Variants in DNAH11 observed in about 807,000 individuals in gnomAD.
DNAH11 encodes the protein axonemal beta dynein heavy chain 11.
Under a neutral mutation model 526.0 loss-of-function variants are expected in DNAH11, and 442 were observed. The ratio of observed to expected loss-of-function variants is 0.84; its 90% confidence interval spans 0.78 to 0.91. The LOEUF (loss-of-function observed/expected upper bound fraction) is 0.91. DNAH11 is among the 40% of genes least tolerant of loss of function. The probability of loss-of-function intolerance (pLI) is 0.00; values close to 1 mark genes in which losing one functional copy is unlikely to be tolerated. For missense variants in DNAH11, 6,989 were observed against 5,448.7 expected, an observed-to-expected ratio of 1.28 and a Z score of -8.90; for synonymous variants, 2,461 against 1,935.9, an observed-to-expected ratio of 1.27 and a Z score of -7.12.
At chr7:21,628,369 G>T in intron 25 of DNAH11, among the ~76,000 whole-genome samples, 1 of 152,040 alleles carries the variant, frequency 6.6e-6, no homozygotes, top group East Asian at 1.9e-4. Flanking sequence ...TCTTGTTCCA[G>T]ATCTTAGAGG....
At chr7:21,688,153 G>A (rs1042967889) in intron 34 of DNAH11, among the ~76,000 whole-genome samples, 6 of 152,108 alleles carry the variant, frequency 3.9e-5, no homozygotes, top group African/African-American at 1.4e-4. Flanking sequence ...TGATGCAGTT[G>A]GTTATTCTCC....
Position 21,739,651 on chromosome 7 carries a change from TCA to T in DNAH11, c.7894_7895del (p.Thr2632HisfsTer31). 6.2e-7 allele frequency: 1 copy of T among 1,612,674 alleles called. No homozygotes were observed. ...TGCATGAATCCGATGGTGGGCAGCTTCACCATCAATCCCAGGCTACAGGTAGG... is the reference window on the plus strand; with the variant it reads ...TGCATGAATCCGATGGTGGGCAGCTTCCATCAATCCCAGGCTACAGGTAGG... On this transcript the variant is annotated frameshift_variant, in exon 48 of 82. Transcript: ENST00000409508. LOFTEE classifies it high-confidence loss of function.
At position 21,892,526 on chromosome 7, in the gene DNAH11, C is replaced by A; in HGVS notation, c.12609C>A (p.Ser4203Arg). 6.2e-7 allele frequency: 1 copy of A among 1,613,972 alleles called. No individual in the cohort carries two copies. Among genetic ancestry groups the A allele is most frequent in the Non-Finnish European group, 8.5e-7 (1 of 1,179,884 alleles). Residue 4203 changes from serine to arginine, a missense_variant, in exon 77 of 82, where the codon AGC becomes AGA. Physicochemically the swap from Ser to Arg is moderately radical, Grantham distance 110. Coordinates refer to ENST00000409508, the MANE Select transcript of DNAH11 (RefSeq NM_001277115.2). ...QYIEEMLPPESPALYGLHPNA... is the reference protein window; with the variant it reads ...QYIEEMLPPERPALYGLHPNA... ...TAGAGGAGATGCTTCCTCCAGAAAGCCCGGCACTGTATGGCCTCCACCCAA... is the reference window on the plus strand; with the variant it reads ...TAGAGGAGATGCTTCCTCCAGAAAGACCGGCACTGTATGGCCTCCACCCAA...
At chr7:21,616,571 T>C (rs1169673837) in intron 22 of DNAH11, among the ~76,000 whole-genome samples, 2 of 152,120 alleles carry the variant, frequency 1.3e-5, no homozygotes, top group East Asian at 3.9e-4. Context: ...AGAGGAACAT[T>C]ATCAGGGCCA....
chr7:21,556,529 A>G (rs947003902), intron 2 of DNAH11, among the ~76,000 whole-genome samples: 2 of 151,988 alleles, frequency 1.3e-5, no homozygotes, highest in Non-Finnish European at 2.9e-5. Context: ...TTTCTTTCCA[A>G]TTTTTATCTT....
chr7:21,615,024 A>AT lies in DNAH11; in HGVS notation c.3853-88dup, dbSNP rs1310912578. 3.7e-6 allele frequency: 5 copies of AT among 1,355,022 alleles called. No individual in the cohort carries two copies. The African/African-American group carries it at 6.0e-5, about 16-fold the overall frequency. 83.9% of individuals were successfully genotyped at this position (1,355,022 alleles called of 1,614,324 possible). On this transcript the variant is annotated intron_variant, in intron 20 of 81. Coordinates refer to ENST00000409508, the MANE Select transcript of DNAH11 (RefSeq NM_001277115.2). ...TTTATTTTCCCGTTAAAAATCAAAG[A>AT]TTGAAATGTCGAGATAACCAGAGCT...
Position 21,739,348 on chromosome 7 carries a change from C to T in DNAH11, c.7812-223C>T, listed in dbSNP as rs2965362. On this transcript the variant is annotated intron_variant, in intron 47 of 81. Coordinates refer to ENST00000409508, the MANE Select transcript of DNAH11 (RefSeq NM_001277115.2). ...AATAAGCAGTAATAGTTTACATTGA[C>T]GCAGCTCCAGATCTTGATTTTTGTC... Among the ~76,000 whole-genome samples, 15 of 152,108 alleles carry T rather than the reference C, an allele frequency of 9.9e-5. No homozygotes were observed. The South Asian group carries it at 2.9e-3, about 30-fold the overall frequency.
chr7:21,885,286 TTA>T (rs926210624), intron 76 of DNAH11, among the ~76,000 whole-genome samples: 22 of 149,304 alleles, frequency 1.5e-4, no homozygotes, highest in African/African-American at 5.4e-4. Context: ...AGTAATATAG[TTA>T]TGTTTTTTAA....
intron 32 of DNAH11, among the ~76,000 whole-genome samples, chr7:21,685,933 G>C (rs751623311): frequency 1.3e-5 from 2 of 152,178 alleles, no homozygotes; most frequent in Non-Finnish European, 2.9e-5. Context: ...CTGACTGAAA[G>C]GAAGGCAGGA....
intron 25 of DNAH11, among the ~76,000 whole-genome samples, chr7:21,625,181 G>A (rs868244472): frequency 5.3e-5 from 8 of 151,706 alleles, no homozygotes; most frequent in Non-Finnish European, 1.0e-4. Context: ...TTCTTTTGAG[G>A]GGAAATATTT....
intron 62 of DNAH11, among the ~76,000 whole-genome samples, chr7:21,806,810 C>T (rs1789281575): frequency 6.6e-6 from 1 of 152,110 alleles, no homozygotes. Flanking sequence ...TTATTCAAAT[C>T]CAATATTAAG....
At position 21,591,025 on chromosome 7, in the gene DNAH11, T is replaced by C; in HGVS notation, c.2274+3T>C. 1 of 1,483,606 alleles carries C rather than the reference T, an allele frequency of 6.7e-7. No homozygotes were observed. Among genetic ancestry groups the C allele is most frequent in the Non-Finnish European group, 8.9e-7 (1 of 1,123,804 alleles). The allele number at this position is 1,483,606 out of a possible 1,614,324, so 91.9% of individuals were successfully genotyped here. The stretch of plus-strand genomic sequence containing the variant: ...AGAAAAGGAACACTATTTTAAAGGT[T>C]TGTGATTTTTGTTAAAAAAAAGATA... On this transcript the variant is annotated splice_donor_region_variant and intron_variant, in intron 13 of 81. Coordinates refer to ENST00000409508, the MANE Select transcript of DNAH11 (RefSeq NM_001277115.2).
Position 21,599,959 on chromosome 7 carries a change from A to G in DNAH11, c.2840A>G (p.Gln947Arg). 6.2e-7 allele frequency: 1 copy of G among 1,613,780 alleles called. No individual in the cohort carries two copies. The highest frequency in any genetic ancestry group is 1.7e-5 in the Admixed American group (1 of 59,962). The change falls in exon 15 of 82, where the codon CAA becomes CGA. Residue 947 changes from glutamine to arginine, a missense_variant. Coordinates refer to ENST00000409508, the MANE Select transcript of DNAH11 (RefSeq NM_001277115.2). ...AAACCGGCACCGTTTTTTCAAGCAC[A>G]AATGATCTTGTTGCCTCCTGAGATT... is the stretch of plus-strand genomic sequence containing the variant. The part of the protein sequence containing the change: ...QLKPAPFFQA[Q>R]MILLPPEIVF...
chr7:21,710,918 C>G (rs1263183112), intron 41 of DNAH11, among the ~76,000 whole-genome samples: 1 of 152,060 alleles, frequency 6.6e-6, no homozygotes, highest in Non-Finnish European at 1.5e-5. Context: ...TGAATTCAGC[C>G]ACCTTTACTG....
chr7:21,598,253 C>T (rs867703481), intron 14 of DNAH11, among the ~76,000 whole-genome samples: 11 of 152,168 alleles, frequency 7.2e-5, no homozygotes, highest in African/African-American at 2.7e-4. Context: ...CAGTTCCTCC[C>T]TTGGGTATCT....
At chr7:21,860,589 C>T (rs1164230895) in intron 68 of DNAH11, among the ~76,000 whole-genome samples, 44 of 152,108 alleles carry the variant, frequency 2.9e-4, no homozygotes, top group Admixed American at 2.4e-3. Flanking sequence ...GTTGTATATC[C>T]GTGCAGTTGA....
intron 56 of DNAH11, among the ~76,000 whole-genome samples, chr7:21,774,447 T>C (rs1053439010): frequency 5.3e-5 from 8 of 152,176 alleles, no homozygotes; most frequent in Admixed American, 2.6e-4. Context: ...TAGTGACTTG[T>C]CTGCTCCTCT....
intron 45 of DNAH11, among the ~76,000 whole-genome samples, chr7:21,727,469 G>C (rs73682690): frequency 1.3e-5 from 2 of 152,116 alleles, no homozygotes; most frequent in Admixed American, 6.6e-5. Flanking sequence ...GTCTATTCAC[G>C]TTTCACAGTC....
At chr7:21,706,720 G>A (rs1449713523) in intron 39 of DNAH11, among the ~76,000 whole-genome samples, 3 of 152,188 alleles carry the variant, frequency 2.0e-5, no homozygotes, top group Non-Finnish European at 2.9e-5. Flanking sequence ...CGAGATACCC[G>A]GAACACTGCA....
Sources: allele counts gnomAD v4.1 joint callset (sites outside exome capture counted in the v4.1 genomes callset), GRCh38; gene constraint gnomAD v4.1.1; transcripts MANE v1.5; gene names NCBI Gene and HGNC (gene_info 2026-07-23, HGNC 2026-07-21).